The following DTNA variants were observed in gnomAD, a reference collection of about 807,000 sequenced individuals.
The protein encoded by DTNA is dystrobrevin alpha.
A neutral mutation model predicts 100.7 loss-of-function variants in DTNA; 43 were observed. That is an observed-to-expected ratio of 0.43 (90% CI 0.33 to 0.55). DTNA has a LOEUF of 0.55. Ranked by LOEUF, DTNA falls within the 20% of genes least tolerant of loss-of-function variation. The probability of loss-of-function intolerance (pLI) is 0.04; values close to 1 mark genes in which losing one functional copy is unlikely to be tolerated. For synonymous variants in DTNA, 349 were observed against 347.9 expected, an observed-to-expected ratio of 1.00 and a Z score of -0.04; for missense variants, 798 against 953.9, an observed-to-expected ratio of 0.84 and a Z score of 2.15.
chr18:34,612,727 A>T (rs776846611), intron 1 of DTNA, among the ~76,000 whole-genome samples: 2 of 152,208 alleles, frequency 1.3e-5, no homozygotes, highest in East Asian at 3.9e-4. Context: ...TGACATTTTC[A>T]TGGTGCTCAG....
Position 34,563,967 on chromosome 18 carries a change from A to ATG in DTNA, c.-2+70467_-2+70468dup, listed in dbSNP as rs35340390. Among the ~76,000 whole-genome samples the ATG allele has an allele frequency of 3.6e-3, 550 of 150,950 alleles. 3 individuals carry two copies. Among genetic ancestry groups the ATG allele is most frequent in the African/African-American group, 0.012 (481 of 41,250 alleles). On this transcript the variant is annotated intron_variant, in intron 1 of 19. Transcript: ENST00000283365. ...CATCACCTCACACAGTTGCTTTCGT[A>ATG]TGTGTGTGTGTGTGTAGTGAGGATG...
chr18:34,751,577 CA>C (rs2092327373), intron 1 of DTNA, among the ~76,000 whole-genome samples: 1 of 152,222 alleles, frequency 6.6e-6, no homozygotes, highest in Non-Finnish European at 1.5e-5. Context: ...TGCCTGTTCC[CA>C]AATGCACCTT....
chr18:34,613,788 C>A (rs1583714), intron 1 of DTNA, among the ~76,000 whole-genome samples: 1 of 152,170 alleles, frequency 6.6e-6, no homozygotes, highest in Non-Finnish European at 1.5e-5. Context: ...CCATAACTAA[C>A]GTAACAGAAC....
intron 9 of DTNA, chr18:34,821,180 G>T: frequency 8.5e-6 from 5 of 586,696 alleles, no homozygotes; most frequent in South Asian, 7.6e-5. Flanking sequence ...TATAAAATAC[G>T]GATGTTAGTG....
At chr18:34,647,539 G>A (rs745799137) in intron 1 of DTNA, among the ~76,000 whole-genome samples, 4 of 152,188 alleles carry the variant, frequency 2.6e-5, no homozygotes, top group Admixed American at 6.5e-5. Flanking sequence ...ATGTAGTAGA[G>A]CTGCGTGCCA....
At chr18:34,786,501 C>T (rs2094513480) in intron 3 of DTNA, among the ~76,000 whole-genome samples, 1 of 152,138 alleles carries the variant, frequency 6.6e-6, no homozygotes, top group South Asian at 2.1e-4. Context: ...GGGATTCCTG[C>T]ATATATCTGC....
intron 1 of DTNA, among the ~76,000 whole-genome samples, chr18:34,745,322 C>A (rs116839965): frequency 0.011 from 1,701 of 152,268 alleles, 33 homozygotes; most frequent in African/African-American, 0.038. Flanking sequence ...TTCCCCAATT[C>A]TCCTATGGAA....
At position 34,848,296 on chromosome 18, in the gene DTNA, C is replaced by T. The variant is rs1031219673; in HGVS notation, c.1347C>T (p.Cys449=). 6.2e-7 allele frequency: 1 copy of T among 1,613,928 alleles called. No individual in the cohort carries two copies. Among genetic ancestry groups the T allele is most frequent in the African/African-American group, 1.3e-5 (1 of 75,032 alleles). Residue 449 remains cysteine (C), a splice_region_variant and synonymous_variant, in exon 14 of 23, where the codon TGC becomes TGT. Coordinates refer to ENST00000444659, the MANE Select transcript of DTNA (RefSeq NM_001386795.1). ...YVNMLRNNPS[C]MLESSNRLDE... ...CTCCTTCTTGCTTTGTTCTTAATAG[C>T]ATGCTTGAGAGTTCAAACCGGCTTG...
intron 3 of DTNA, among the ~76,000 whole-genome samples, chr18:34,777,013 T>G (rs1290227224): frequency 6.6e-6 from 1 of 152,370 alleles, no homozygotes; most frequent in African/African-American, 2.4e-5. Flanking sequence ...TGCTCACTTG[T>G]CATCTTCTCA....
At chr18:34,758,540 G>A (rs2148303574) in intron 2 of DTNA, among the ~76,000 whole-genome samples, 1 of 152,284 alleles carries the variant, frequency 6.6e-6, no homozygotes, top group East Asian at 1.9e-4. Context: ...AATGTGATTA[G>A]GCCATCTGTT....
chr18:34,732,993 A>T (rs1190785305), intron 1 of DTNA, among the ~76,000 whole-genome samples: 1 of 152,134 alleles, frequency 6.6e-6, no homozygotes, highest in Non-Finnish European at 1.5e-5. Context: ...ATAAGTCCCT[A>T]TTTTAACTGG....
At chr18:34,594,540 A>C (rs1330451457) in intron 1 of DTNA, among the ~76,000 whole-genome samples, 1 of 152,210 alleles carries the variant, frequency 6.6e-6, no homozygotes, top group Non-Finnish European at 1.5e-5. Context: ...GTAACTGGCC[A>C]GTTTTTTGTC....
intron 1 of DTNA, among the ~76,000 whole-genome samples, chr18:34,742,876 G>T (rs543172467): frequency 6.6e-6 from 1 of 151,910 alleles, no homozygotes; most frequent in Non-Finnish European, 1.5e-5. Flanking sequence ...GAATCTCAGG[G>T]TCTCTTCCGG....
At chr18:34,865,368 T>C (rs1260678146) in intron 17 of DTNA, among the ~76,000 whole-genome samples, 2 of 152,164 alleles carry the variant, frequency 1.3e-5, no homozygotes, top group African/African-American at 4.8e-5. Flanking sequence ...TTTCCTTCTT[T>C]GTTTTATTTT....
At position 34,889,256 on chromosome 18, in the gene DTNA, C is replaced by A; in HGVS notation, c.*1522C>A. ...AGAACAATAGTTCTCAAAGTGTGTTCCCCGGACAAGCAGCATCTGCAACAC... is the reference window on the plus strand; with the variant it reads ...AGAACAATAGTTCTCAAAGTGTGTTACCCGGACAAGCAGCATCTGCAACAC... On this transcript the variant is annotated 3_prime_UTR_variant, in exon 23 of 23. Coordinates refer to ENST00000444659, the MANE Select transcript of DTNA (RefSeq NM_001386795.1). 7.1e-6 allele frequency: 7 copies of A among 985,072 alleles called. No homozygotes were observed. The highest frequency in any genetic ancestry group is 7.2e-6 in the Non-Finnish European group (6 of 829,724). 61.0% of individuals were successfully genotyped at this position (985,072 alleles called of 1,614,324 possible).
At chr18:34,552,362 T>C (rs62097179) in intron 1 of DTNA, among the ~76,000 whole-genome samples, 83 of 152,128 alleles carry the variant, frequency 5.5e-4, no homozygotes, top group African/African-American at 1.9e-3. Context: ...TTTGGTTTGC[T>C]TATTTTTTTT....
At chr18:34,713,886 G>A (rs2083402559) in intron 1 of DTNA, among the ~76,000 whole-genome samples, 1 of 151,968 alleles carries the variant, frequency 6.6e-6, no homozygotes, top group Non-Finnish European at 1.5e-5. Flanking sequence ...TGAAGCAATT[G>A]TGAATGGGAG....
chr18:34,668,699 G>GGAGC (rs1271359227), intron 1 of DTNA, among the ~76,000 whole-genome samples: 1 of 152,114 alleles, frequency 6.6e-6, no homozygotes, highest in East Asian at 1.9e-4. Context: ...TAGTCATTCA[G>GGAGC]GAGCAGGTTG....
At chr18:34,774,799 C>G (rs1428176253) in intron 3 of DTNA, among the ~76,000 whole-genome samples, 2 of 152,182 alleles carry the variant, frequency 1.3e-5, no homozygotes, top group Non-Finnish European at 2.9e-5. Flanking sequence ...TTCAGCGAAT[C>G]CTTTTAAAAG....
Sources: gnomAD v4.1 joint callset for allele counts (sites outside exome capture counted in the v4.1 genomes callset) on GRCh38, gnomAD v4.1.1 for gene constraint, MANE v1.5 for transcripts, NCBI Gene and HGNC (gene_info 2026-07-23, HGNC 2026-07-21) for gene names.